Variants in CRACDL observed in about 807,000 individuals in gnomAD.
CRACDL encodes the protein CRACD-like protein.
Under a neutral mutation model 70.6 loss-of-function variants are expected in CRACDL, and 26 were observed. That is an observed-to-expected ratio of 0.37 (90% CI 0.27 to 0.51). CRACDL has a LOEUF of 0.51. Among genes scored for constraint, CRACDL ranks in the 20% least tolerant of loss-of-function variants. The pLI, the probability that CRACDL is intolerant of heterozygous loss-of-function variation, is 0.94. For synonymous variants in CRACDL, 618 were observed against 615.2 expected, an observed-to-expected ratio of 1.00 and a Z score of -0.07; for missense variants, 1,283 against 1,376.9, an observed-to-expected ratio of 0.93 and a Z score of 1.08.
chr2:98,837,531 A>G (rs1055959110), intron 3 of CRACDL, among the ~76,000 whole-genome samples: 2 of 152,242 alleles, frequency 1.3e-5, no homozygotes, highest in Middle Eastern at 3.2e-3. Context: ...AACTGCTAGA[A>G]TAACTGCAGC....
chr2:98,881,522 G>A (rs945748829), intron 1 of CRACDL, among the ~76,000 whole-genome samples: 1 of 152,206 alleles, frequency 6.6e-6, no homozygotes, highest in Non-Finnish European at 1.5e-5. Flanking sequence ...GTGGGGCAAG[G>A]GTGTGTAATT....
intron 1 of CRACDL, among the ~76,000 whole-genome samples, chr2:98,853,419 A>AT: frequency 6.6e-6 from 1 of 152,332 alleles, no homozygotes; most frequent in East Asian, 1.9e-4. Flanking sequence ...AAATATAGAC[A>AT]TTTTTAGATA....
rs567811087 is a variant in CRACDL at position 98,862,982 on chromosome 2, T to C, written c.-10-16172A>G. 7.9e-5 allele frequency among the ~76,000 whole-genome samples: 12 copies of C among 152,260 alleles called. No homozygotes were observed. In the South Asian group the frequency reaches 2.3e-3, roughly 29 times the overall value. On this transcript the variant is annotated intron_variant, in intron 1 of 9. Transcript: ENST00000397899. ...TATATATACATTTTACATTTATACA[T>C]TTATTCATTTATGTGTTTATACATA...
chr2:98,845,999 A>G (rs1706239145), intron 2 of CRACDL, among the ~76,000 whole-genome samples: 1 of 152,222 alleles, frequency 6.6e-6, no homozygotes, highest in Non-Finnish European at 1.5e-5. Context: ...CCTGAACTAT[A>G]TCAAAGAAAA....
chr2:98,798,604 T>C (rs1355897724), intron 7 of CRACDL, among the ~76,000 whole-genome samples: 1 of 152,096 alleles, frequency 6.6e-6, no homozygotes, highest in Non-Finnish European at 1.5e-5. Flanking sequence ...CTCTTCTGTA[T>C]TTTCATATTT....
At chr2:98,921,600 C>A (rs1362152203) in intron 1 of CRACDL, among the ~76,000 whole-genome samples, 1 of 152,196 alleles carries the variant, frequency 6.6e-6, no homozygotes, top group Non-Finnish European at 1.5e-5. Flanking sequence ...TTGAGAAATC[C>A]ATCCTTTCCT....
intron 1 of CRACDL, among the ~76,000 whole-genome samples, chr2:98,918,155 T>C (rs1397654633): frequency 6.6e-6 from 1 of 152,140 alleles, no homozygotes; most frequent in Non-Finnish European, 1.5e-5. Context: ...GATTACTGAA[T>C]TGGATGGTAG....
chr2:98,930,975 C>T (rs1709058729), intron 1 of CRACDL, among the ~76,000 whole-genome samples: 1 of 151,940 alleles, frequency 6.6e-6, no homozygotes, highest in South Asian at 2.1e-4. Flanking sequence ...TCTACCACCC[C>T]CCCACCCCAT....
At chr2:98,877,706 G>A (rs369231586) in intron 1 of CRACDL, among the ~76,000 whole-genome samples, 74 of 151,946 alleles carry the variant, frequency 4.9e-4, no homozygotes, top group South Asian at 2.1e-3. Context: ...CTGAGGTCGC[G>A]CCACTGCACT....
At chr2:98,801,181 G>A (rs952229136) in intron 7 of CRACDL, among the ~76,000 whole-genome samples, 6 of 152,190 alleles carry the variant, frequency 3.9e-5, no homozygotes, top group African/African-American at 1.2e-4. Context: ...TTCCTTGTCA[G>A]GAATGCAAGA....
chr2:98,919,329 T>C (rs1170821172), intron 1 of CRACDL, among the ~76,000 whole-genome samples: 2 of 152,222 alleles, frequency 1.3e-5, no homozygotes, highest in Non-Finnish European at 2.9e-5. Context: ...AGGTTCCTTA[T>C]TAATTTCAGG....
intron 5 of CRACDL, among the ~76,000 whole-genome samples, chr2:98,827,452 C>T (rs1176360940): frequency 1.6e-4 from 25 of 152,148 alleles, no homozygotes; most frequent in Non-Finnish European, 2.4e-4. Flanking sequence ...CCACCACACC[C>T]AGCTAATTTT....
At chr2:98,923,683 T>C (rs12233197) in intron 1 of CRACDL, among the ~76,000 whole-genome samples, 4,268 of 152,326 alleles carry the variant, frequency 0.028, 81 homozygotes, top group Middle Eastern at 0.065. Flanking sequence ...GTTGAGGTGA[T>C]TAATAAAATA....
In CRACDL at chr2:98,822,635, C is replaced by A; in HGVS notation, c.1638G>T (p.Glu546Asp). ...CCCTCTCGGCGCCCGCCGGTGGCGC[C>A]TCGGCTCGCTCGGCCTTGGGGCGCT... ...APERPKAERA[E>D]APPAGAERAA... The change falls in exon 7 of 10, where the codon GAG (glutamate) becomes GAT (aspartate). Residue 546 changes from glutamate (E) to aspartate (D), a missense_variant. Coordinates refer to ENST00000397899, the MANE Select transcript of CRACDL (RefSeq NM_207362.3). This position sits in a 1 kb window ranked among gnomAD's most constrained non-coding sequence, Gnocchi z 4.9. The A allele has an allele frequency of 7.3e-7, 1 of 1,361,656 alleles. No homozygotes were observed. Among genetic ancestry groups the A allele is most frequent in the Non-Finnish European group, 9.4e-7 (1 of 1,067,874 alleles). 84.3% of individuals were successfully genotyped at this position (1,361,656 alleles called of 1,614,324 possible). A position where few individuals can be genotyped will look rare whatever the true frequency, so the allele number is the denominator to read the frequency against.
At chr2:98,804,247 G>A (rs907431864) in intron 7 of CRACDL, among the ~76,000 whole-genome samples, 1 of 152,192 alleles carries the variant, frequency 6.6e-6, no homozygotes, top group Non-Finnish European at 1.5e-5. Context: ...CTAATGACAG[G>A]AGACGGTGCT....
intron 1 of CRACDL, among the ~76,000 whole-genome samples, chr2:98,848,203 C>A (rs950153556): frequency 2.6e-5 from 4 of 152,200 alleles, no homozygotes; most frequent in Admixed American, 2.6e-4. Context: ...TGTTCACATT[C>A]AAAGCAACAG....
At chr2:98,843,416 C>T (rs1234690006) in intron 2 of CRACDL, among the ~76,000 whole-genome samples, 2 of 152,170 alleles carry the variant, frequency 1.3e-5, no homozygotes, top group African/African-American at 4.8e-5. Flanking sequence ...CCAATTTATA[C>T]ATTTTTTCCT....
chr2:98,924,307 A>T (rs530147020), intron 1 of CRACDL, among the ~76,000 whole-genome samples: 1 of 151,908 alleles, frequency 6.6e-6, no homozygotes, highest in South Asian at 2.1e-4. Context: ...TTCAGCGACC[A>T]CCTCCCTCTC....
At chr2:98,840,261 T>TA (rs1421689791) in intron 2 of CRACDL, among the ~76,000 whole-genome samples, 1 of 152,200 alleles carries the variant, frequency 6.6e-6, no homozygotes, top group Non-Finnish European at 1.5e-5. Flanking sequence ...TTCTTAGACT[T>TA]ACGGGTTATT....
Sources: gnomAD v4.1 joint callset for allele counts (sites outside exome capture counted in the v4.1 genomes callset) on GRCh38, gnomAD v4.1.1 for gene constraint, Gnocchi (gnomAD v3.1) non-coding constraint, MANE v1.5 for transcripts, NCBI Gene and HGNC (gene_info 2026-07-23, HGNC 2026-07-21) for gene names.